PBRM1: variants seen among roughly 807,000 people sequenced by gnomAD.
PBRM1 encodes the protein polybromo 1.
A neutral mutation model predicts 194.5 loss-of-function variants in PBRM1; 27 were observed. The observed-to-expected ratio is 0.14, with a 90% CI of 0.10 to 0.19. PBRM1 has a LOEUF of 0.19. Among genes scored for constraint, PBRM1 ranks in the 10% least tolerant of loss-of-function variants. PBRM1 has a pLI of 1.00. For synonymous variants in PBRM1, 655 were observed against 693.2 expected, an observed-to-expected ratio of 0.94 and a Z score of 0.87; for missense variants, 1,466 against 2,077.2, an observed-to-expected ratio of 0.71 and a Z score of 5.72.
intron 22 of PBRM1, among the ~76,000 whole-genome samples, chr3:52,568,888 C>T (rs2086162275): frequency 6.6e-6 from 1 of 152,034 alleles, no homozygotes; most frequent in Non-Finnish European, 1.5e-5. Flanking sequence ...TTCCTGAGTT[C>T]CTTTTTCTTT....
chr3:52,642,693 C>T (rs2096143965), intron 9 of PBRM1, among the ~76,000 whole-genome samples: 1 of 151,006 alleles, frequency 6.6e-6, no homozygotes, highest in Non-Finnish European at 1.5e-5. Context: ...TTTAACCTCA[C>T]ATTTTATTGG....
intron 24 of PBRM1, among the ~76,000 whole-genome samples, chr3:52,562,504 A>G (rs1412589004): frequency 6.6e-6 from 1 of 150,870 alleles, no homozygotes; most frequent in African/African-American, 2.4e-5. Flanking sequence ...GCAATCTGTA[A>G]TGGTGACCTC....
At chr3:52,661,929 A>G (rs2096733975) in intron 4 of PBRM1, among the ~76,000 whole-genome samples, 1 of 152,212 alleles carries the variant, frequency 6.6e-6, no homozygotes, top group South Asian at 2.1e-4. Context: ...AAATTACCAC[A>G]CATGGCACAC....
chr3:52,590,506 A>G (rs1036781735), intron 17 of PBRM1, among the ~76,000 whole-genome samples: 3 of 152,152 alleles, frequency 2.0e-5, no homozygotes, highest in African/African-American at 7.2e-5. Context: ...CAAATATCAC[A>G]GGGTTTTTAT....
At chr3:52,575,694 T>TTA (rs1202523765) in intron 22 of PBRM1, among the ~76,000 whole-genome samples, 3 of 144,448 alleles carry the variant, frequency 2.1e-5, no homozygotes, top group Non-Finnish European at 3.0e-5. Context: ...TTTTTTTTTT[T>TTA]AGCAGAGACA....
At position 52,609,734 on chromosome 3, in the gene PBRM1, T is replaced by C. The variant is rs756552548; in HGVS notation, c.2146A>G (p.Asn716Asp). The C allele has an allele frequency of 5.0e-6, 8 of 1,609,610 alleles. No individual in the cohort carries two copies. In the Admixed American group the frequency reaches 6.8e-5, roughly 14 times the overall value. ...ATAGAGTCAATATCTTGGTACTTGT[T>C]GGCCATCATGTGACTTCGAATTTTT... is the stretch of plus-strand genomic sequence containing the variant. The change falls in exon 16 of 30, where the codon AAC (asparagine) becomes GAC (aspartate). Residue 716 changes from asparagine to aspartate, a missense_variant. By Grantham distance (23) the Asn-to-Asp change is conservative (BLOSUM62 1). This residue lies in a region of PBRM1 where 687 missense variants were observed against 946.2 expected (regional missense o/e 0.73). Transcript: ENST00000296302. This position sits in a 1 kb window ranked among gnomAD's most constrained non-coding sequence, Gnocchi z 4.1.
At chr3:52,558,268 C>T in exon 26 of PBRM1, 1 of 1,536,258 alleles carries the variant, frequency 6.5e-7, no homozygotes, top group African/African-American at 1.4e-5. Context: ...GTGTCAACTG[C>T]TGATTGAGCA....
At position 52,603,423 on chromosome 3, in the gene PBRM1, T is replaced by C. The variant is rs17052322; in HGVS notation, c.2779+98A>G. On this transcript the variant is annotated intron_variant, in intron 17 of 29. Transcript: ENST00000296302. ...TCTAATATAGTCAATACCCTGAGTT[T>C]TCATTCATACAAACAGGACTCTTTT... 10,599 of 1,274,732 alleles carry C rather than the reference T, an allele frequency of 8.3e-3. 660 individuals are homozygous for C. In the African/African-American group the frequency reaches 0.13, roughly 16 times the overall value. The allele number at this position is 1,274,732 out of a possible 1,614,324, so 79.0% of individuals were successfully genotyped here.
At chr3:52,681,891 G>A, upstream of PBRM1, 1 of 172,664 alleles carries the variant, frequency 5.8e-6, no homozygotes, top group Non-Finnish European at 1.2e-5. Context: ...AAATGAGTAC[G>A]AATAGATAGA....
chr3:52,586,442 T>C (rs2153761277), exon 20 of PBRM1: 1 of 1,612,262 alleles, frequency 6.2e-7, no homozygotes, highest in Middle Eastern at 1.7e-4. Context: ...AAGTTAAAAT[T>C]GTCTTCAGCT....
At chr3:52,603,419 A>C in intron 17 of PBRM1, 102 bp downstream of exon 19, 1 of 1,196,086 alleles carries the variant, frequency 8.4e-7, no homozygotes, top group Non-Finnish European at 1.2e-6. Flanking sequence ...CAATACCCTG[A>C]GTTTTCATTC....
At chr3:52,665,689 G>C (rs2096820373) in intron 3 of PBRM1, among the ~76,000 whole-genome samples, 1 of 152,162 alleles carries the variant, frequency 6.6e-6, no homozygotes, top group African/African-American at 2.4e-5. Flanking sequence ...CTCCTTATAA[G>C]AATCTAATGC....
intron 22 of PBRM1, among the ~76,000 whole-genome samples, chr3:52,571,045 C>T (rs1213207217): frequency 6.6e-6 from 1 of 152,010 alleles, no homozygotes; most frequent in Non-Finnish European, 1.5e-5. Flanking sequence ...TTATTCCTGG[C>T]TGGGTGCCAT....
chr3:52,662,050 C>G, intron 4 of PBRM1, 83 bp downstream of exon 5: 1 of 1,407,074 alleles, frequency 7.1e-7, no homozygotes, highest in Non-Finnish European at 9.7e-7. Flanking sequence ...TAGTTGCCCA[C>G]AACAGCCCAG....
chr3:52,625,853 C>T (rs1056422911), intron 13 of PBRM1, among the ~76,000 whole-genome samples: 2 of 152,190 alleles, frequency 1.3e-5, no homozygotes, highest in African/African-American at 4.8e-5. Flanking sequence ...GCTGGGATTA[C>T]AGGCATGTGC....
At chr3:52,679,663 C>T (rs764436452) in exon 1 of PBRM1, 6 of 1,613,796 alleles carry the variant, frequency 3.7e-6, no homozygotes, top group East Asian at 2.2e-5. Flanking sequence ...TCAAAGTCCC[C>T]GCTGACACTG....
At chr3:52,623,790 G>C (rs1349362831) in intron 13 of PBRM1, among the ~76,000 whole-genome samples, 1 of 152,184 alleles carries the variant, frequency 6.6e-6, no homozygotes, top group Non-Finnish European at 1.5e-5. Context: ...GCTGGGATTG[G>C]AATTTAGGCA....
At chr3:52,613,337 G>GTTT (rs577658031) in intron 15 of PBRM1, among the ~76,000 whole-genome samples, 3 of 140,156 alleles carry the variant, frequency 2.1e-5, no homozygotes, top group African/African-American at 5.2e-5. Flanking sequence ...GGACTATTCT[G>GTTT]TTTTTTTTTT....
At chr3:52,651,880 A>G in intron 5 of PBRM1, 70 bp from the exon 7 acceptor site, 1 of 1,006,598 alleles carries the variant, frequency 9.9e-7, no homozygotes, top group Non-Finnish European at 1.5e-6. Flanking sequence ...AAGGAAGTAC[A>G]TTGACAATCT....
Sources: gnomAD v4.1 joint callset for allele counts (sites outside exome capture counted in the v4.1 genomes callset) on GRCh38, gnomAD v4.1.1 for gene constraint, gnomAD v4.1.1 regional missense constraint, Gnocchi (gnomAD v3.1) non-coding constraint, MANE v1.5 for transcripts, NCBI Gene and HGNC (gene_info 2026-07-23, HGNC 2026-07-21) for gene names.